Variants in PPP1R13B observed in about 807,000 individuals in gnomAD.
PPP1R13B encodes the protein protein phosphatase 1 regulatory subunit 13B.
In PPP1R13B, 44 loss-of-function variants were observed where a neutral mutation model predicts 119.8. That is an observed-to-expected ratio of 0.37 (90% CI 0.29 to 0.47). The LOEUF is 0.47. Ranked by LOEUF, PPP1R13B falls within the 20% of genes least tolerant of loss-of-function variation. PPP1R13B has a pLI of 0.99. For missense variants in PPP1R13B, 1,227 were observed against 1,413.5 expected (o/e 0.87, Z 2.12); for synonymous variants, 542 against 561.5 (o/e 0.97, Z 0.49).
rs1397972283 is a variant in PPP1R13B, at chr14:103,761,273, TTAAAAAAA to T, written c.355-3530_355-3523del. On this transcript the variant is annotated intron_variant, in intron 4 of 16. Coordinates refer to ENST00000202556, the MANE Select transcript of PPP1R13B (RefSeq NM_015316.3). ...TAGGGAACAGAGCAAGACCCTATATTTAAAAAAAAAAAAAAAAAAAAAAAAAGAATTTT... is the reference window on the plus strand; with the variant it reads ...TAGGGAACAGAGCAAGACCCTATATTAAAAAAAAAAAAAAAAAAGAATTTT... Among the ~76,000 whole-genome samples, 6 of 87,266 alleles carry T rather than the reference TTAAAAAAA, an allele frequency of 6.9e-5. No individual in the cohort carries two copies. In the East Asian group the frequency reaches 1.6e-3, roughly 23 times the overall value. The allele number at this position is 87,266 out of a possible 152,430, so 57.2% of individuals were successfully genotyped here. A position where few individuals can be genotyped will look rare whatever the true frequency, so the allele number is the denominator to read the frequency against.
At chr14:103,737,519 T>A in intron 15 of PPP1R13B, 175 bp downstream of exon 15, 1 of 791,436 alleles carries the variant, frequency 1.3e-6, no homozygotes, top group Non-Finnish European at 1.9e-6. Flanking sequence ...GAGGCTGCAG[T>A]GAGCCATGAT....
intron 1 of PPP1R13B, among the ~76,000 whole-genome samples, chr14:103,822,927 G>T (rs755617112): frequency 6.6e-5 from 10 of 152,200 alleles, no homozygotes; most frequent in Non-Finnish European, 1.0e-4. Flanking sequence ...CGTTACAGAT[G>T]GAGAAGCAGA....
At chr14:103,826,756 C>T (rs2086553067) in intron 1 of PPP1R13B, among the ~76,000 whole-genome samples, 1 of 150,294 alleles carries the variant, frequency 6.7e-6, no homozygotes, top group Admixed American at 6.6e-5. Flanking sequence ...TGCCTGTAAT[C>T]CCAGCACTTT....
intron 5 of PPP1R13B, 128 bp downstream of exon 5, chr14:103,757,522 A>C: frequency 1.3e-6 from 1 of 769,708 alleles, no homozygotes; most frequent in Non-Finnish European, 2.1e-6. Context: ...GAAAGACTGC[A>C]TTTAGCACTC....
chr14:103,739,263 A>T (rs2084190207), intron 12 of PPP1R13B: 1 of 507,464 alleles, frequency 2.0e-6, no homozygotes, highest in African/African-American at 1.9e-5. Context: ...GCACAGAGGG[A>T]CACGGCTGTG....
At chr14:103,776,665 G>T (rs1322455520) in intron 4 of PPP1R13B, among the ~76,000 whole-genome samples, 1 of 152,178 alleles carries the variant, frequency 6.6e-6, no homozygotes, top group South Asian at 2.1e-4. Context: ...AAGGTCAGGA[G>T]ATTGAGACCA....
chr14:103,826,370 T>C (rs2086542369), intron 1 of PPP1R13B, among the ~76,000 whole-genome samples: 1 of 152,178 alleles, frequency 6.6e-6, no homozygotes, highest in South Asian at 2.1e-4. Flanking sequence ...TCAGGATGCA[T>C]ACACAATTCA....
rs901015666 is a variant in PPP1R13B at position 103,738,481 on chromosome 14, T to C, written c.2864+198A>G. 8.7e-6 allele frequency: 7 copies of C among 806,634 alleles called. No individual in the cohort carries two copies. In the African/African-American group the frequency reaches 1.2e-4, roughly 14 times the overall value. 50.0% of individuals were successfully genotyped at this position (806,634 alleles called of 1,614,324 possible). A position where few individuals can be genotyped will look rare whatever the true frequency, so the allele number is the denominator to read the frequency against. ...AAAGAGCATAACCACAGCCACGTTT[T>C]TAACAAAATCATCAAGAGAAAAGGC... On this transcript the variant is annotated intron_variant, in intron 14 of 16. Coordinates refer to ENST00000202556, the MANE Select transcript of PPP1R13B (RefSeq NM_015316.3). The surrounding 1 kb of genome is among the most constrained non-coding windows in gnomAD (Gnocchi z 5.6).
At position 103,817,578 on chromosome 14, in the gene PPP1R13B, T is replaced by A. The variant is rs557064494; in HGVS notation, c.10-20060A>T. Among the ~76,000 whole-genome samples, 138 of 152,324 alleles carry A rather than the reference T, an allele frequency of 9.1e-4. 1 individual carries two copies. The highest frequency in any genetic ancestry group is 3.0e-3 in the African/African-American group (126 of 41,574). ...GTACATACAGAGCTAAATTTTTTTT[T>A]AATTTTGTTAGTATTGACATTTTAG... On this transcript the variant is annotated intron_variant, in intron 1 of 16. Coordinates refer to ENST00000202556, the MANE Select transcript of PPP1R13B (RefSeq NM_015316.3).
At position 103,738,517 on chromosome 14, in the gene PPP1R13B, G is replaced by A. The variant is rs752949882; in HGVS notation, c.2864+162C>T. The A allele has an allele frequency of 1.7e-5, 19 of 1,146,178 alleles. No homozygotes were observed. In the African/African-American group the frequency reaches 2.6e-4, roughly 16 times the overall value. The allele number at this position is 1,146,178 out of a possible 1,614,324, so 71.0% of individuals were successfully genotyped here. A position where few individuals can be genotyped will look rare whatever the true frequency, so the allele number is the denominator to read the frequency against. ...ATCAAGAGAAAAGGCTGGAAAAAAA[G>A]GCAAGGAAACCCTGGCAACAGCTGT... On this transcript the variant is annotated intron_variant, in intron 14 of 16. Transcript: ENST00000202556. This position sits in a 1 kb window ranked among gnomAD's most constrained non-coding sequence, Gnocchi z 5.6.
chr14:103,810,655 C>T (rs2086129719), intron 1 of PPP1R13B, among the ~76,000 whole-genome samples: 1 of 151,876 alleles, frequency 6.6e-6, no homozygotes, highest in South Asian at 2.1e-4. Context: ...GCCTGTAGTC[C>T]CAGCTACTCG....
At chr14:103,826,478 G>A (rs2086544477) in intron 1 of PPP1R13B, among the ~76,000 whole-genome samples, 1 of 152,114 alleles carries the variant, frequency 6.6e-6, no homozygotes, top group African/African-American at 2.4e-5. Flanking sequence ...GCATTACAAA[G>A]GATCTTAGCA....
Position 103,734,365 on chromosome 14 carries a change from AC to A in PPP1R13B, c.*788del, listed in dbSNP as rs1289358399. 10 of 382,650 alleles carry A rather than the reference AC, an allele frequency of 2.6e-5. No individual in the cohort carries two copies. The highest frequency in any genetic ancestry group is 4.8e-5 in the Non-Finnish European group (9 of 188,622). The allele number at this position is 382,650 out of a possible 1,614,324, so 23.7% of individuals were successfully genotyped here. A position where few individuals can be genotyped will look rare whatever the true frequency, so the allele number is the denominator to read the frequency against. The stretch of plus-strand genomic sequence containing the variant: ...ACCCTCCGCTGCCACGGCCTCCAGC[AC>A]CTGACTCCATTCAGGGAACTGAATT... On this transcript the variant is annotated 3_prime_UTR_variant, in exon 17 of 17. Coordinates refer to ENST00000202556, the MANE Select transcript of PPP1R13B (RefSeq NM_015316.3).
rs369894993 is a variant in PPP1R13B, at chr14:103,735,160, G to A, written c.3267C>T (p.Leu1089=). 2.7e-5 allele frequency: 43 copies of A among 1,614,036 alleles called. No homozygotes were observed. The East Asian group carries it at 5.1e-4, about 19-fold the overall frequency. ...CGGTGCTCCAAAAGGAAGTTCAGGC[G>A]AGTGTTCGCTGTCGGGGTTTGATCC... ...YPRIKPRQRT[L]A Residue 1089 remains leucine (L), a synonymous_variant, in exon 17 of 17, where the codon CTC becomes CTT. Transcript: ENST00000202556.
chr14:103,748,339 A>C (rs1288649128), intron 8 of PPP1R13B, among the ~76,000 whole-genome samples: 1 of 152,196 alleles, frequency 6.6e-6, no homozygotes, highest in Non-Finnish European at 1.5e-5. Flanking sequence ...AAAGAAGGGC[A>C]GATTTGTAAA....
intron 7 of PPP1R13B, 108 bp from the exon 8 acceptor site, chr14:103,750,042 T>A: frequency 5.9e-6 from 7 of 1,179,490 alleles, no homozygotes; most frequent in Non-Finnish European, 6.0e-6. Context: ...TCATGTATAT[T>A]TACATGCATG....
intron 15 of PPP1R13B, chr14:103,736,918 G>A (rs539779883): frequency 6.6e-6 from 1 of 152,512 alleles, no homozygotes; most frequent in African/African-American, 2.4e-5. Context: ...TGGAATAAAT[G>A]ACTTGTGACT....
Position 103,753,073 on chromosome 14 carries a change from C to T in PPP1R13B, c.755G>A (p.Gly252Glu), listed in dbSNP as rs2084589688. ...LEDLKKGKLN[G>E]FQSYNGKLTG... Reference sequence around the variant, plus strand: ...CAATTTGCCATTGTAAGACTGGAACCCATTCAGTTTTCCTTTCTTTAAATC... The same window carrying T: ...CAATTTGCCATTGTAAGACTGGAACTCATTCAGTTTTCCTTTCTTTAAATC... Residue 252 changes from glycine (G) to glutamate (E), a missense_variant, in exon 7 of 17, where the codon GGG becomes GAG. By Grantham distance (98) the Gly-to-Glu change is moderately conservative. Coordinates refer to ENST00000202556, the MANE Select transcript of PPP1R13B (RefSeq NM_015316.3). 6.2e-7 allele frequency: 1 copy of T among 1,614,028 alleles called. No homozygotes were observed. Among genetic ancestry groups the T allele is most frequent in the South Asian group, 1.1e-5 (1 of 91,084 alleles).
rs1275460074 is a variant in PPP1R13B, at chr14:103,740,195, G to A, written c.2221C>T (p.Pro741Ser). 5 of 1,613,908 alleles carry A rather than the reference G, an allele frequency of 3.1e-6. No individual in the cohort carries two copies. Residue 741 changes from proline to serine, a missense_variant, in exon 12 of 17, where the codon CCT becomes TCT. Physicochemically the swap from Pro to Ser is moderately conservative, Grantham distance 74 (BLOSUM62 -1). Transcript: ENST00000202556. The surrounding 1 kb of genome is among the most constrained non-coding windows in gnomAD (Gnocchi z 4.6). ...NTLAGGMEGT[P>S]FYQPSPSQDF... ...TGGGAGGGGCTGGGCTGGTAGAAAG[G>A]GGTGCCCTCCATGCCACCGGCCAGG...
Sources: allele counts gnomAD v4.1 joint callset (sites outside exome capture counted in the v4.1 genomes callset), GRCh38; gene constraint gnomAD v4.1.1; non-coding constraint Gnocchi (gnomAD v3.1); transcripts MANE v1.5; gene names NCBI Gene and HGNC (gene_info 2026-07-23, HGNC 2026-07-21).